The following LRP1B variants were observed in gnomAD, a reference collection of about 807,000 sequenced individuals.
The protein encoded by LRP1B is LDL receptor related protein 1B, also known as low-density lipoprotein receptor-related protein 1B.
Under a neutral mutation model 556.6 loss-of-function variants are expected in LRP1B, and 217 were observed. The observed-to-expected ratio is 0.39, with a 90% CI of 0.35 to 0.44. The LOEUF (loss-of-function observed/expected upper bound fraction) is 0.44, where lower values mean the gene tolerates loss of function less well. Ranked by LOEUF, LRP1B falls within the 20% of genes least tolerant of loss-of-function variation. LRP1B has a pLI of 1.00. For synonymous variants in LRP1B, 2,047 were observed against 1,865.8 expected (o/e 1.10, Z -2.50); for missense variants, 5,053 against 5,620.8 (o/e 0.90, Z 3.23).
chr2:140,476,508 T>C (rs1024377891), intron 59 of LRP1B, among the ~76,000 whole-genome samples: 1 of 152,036 alleles, frequency 6.6e-6, no homozygotes, highest in African/African-American at 2.4e-5. Context: ...TATGTTCAGA[T>C]ATTTTAACCA....
intron 3 of LRP1B, among the ~76,000 whole-genome samples, chr2:141,358,802 A>C (rs1168549955): frequency 6.6e-6 from 1 of 152,200 alleles, no homozygotes; most frequent in African/African-American, 2.4e-5. Context: ...AGGCCAAAAT[A>C]ATACGACATA....
rs6718349 is a variant in LRP1B, at chr2:142,033,792, G to C, written c.82+96856C>G. On this transcript the variant is annotated intron_variant, in intron 1 of 90. Coordinates refer to ENST00000389484, the MANE Select transcript of LRP1B (RefSeq NM_018557.3). Reference sequence around the variant, plus strand: ...AAAGATATGGTACTGAATTAAGGTAGGTACTCCACCTTAGGACATTGTGTT... The same window carrying C: ...AAAGATATGGTACTGAATTAAGGTACGTACTCCACCTTAGGACATTGTGTT... 6.0e-3 allele frequency among the ~76,000 whole-genome samples: 908 copies of C among 151,776 alleles called. 13 individuals carry two copies. Among genetic ancestry groups the C allele is most frequent in the African/African-American group, 0.02 (826 of 41,466 alleles).
At chr2:141,814,457 A>T (rs1696464521) in intron 1 of LRP1B, among the ~76,000 whole-genome samples, 1 of 152,138 alleles carries the variant, frequency 6.6e-6, no homozygotes, top group African/African-American at 2.4e-5. Context: ...TACTGCAGTG[A>T]AGTGAAGGTG....
At chr2:141,877,627 A>G (rs1698814560) in intron 1 of LRP1B, among the ~76,000 whole-genome samples, 2 of 151,918 alleles carry the variant, frequency 1.3e-5, no homozygotes, top group South Asian at 4.1e-4. Context: ...TACTTTCGCA[A>G]ATTTAATTTC....
chr2:140,790,134 C>A (rs1690061069), intron 32 of LRP1B, among the ~76,000 whole-genome samples: 1 of 152,092 alleles, frequency 6.6e-6, no homozygotes, highest in Admixed American at 6.5e-5. Context: ...TCTTCCTCAA[C>A]CAAATGCAAC....
intron 7 of LRP1B, among the ~76,000 whole-genome samples, chr2:141,139,094 A>G (rs951668381): frequency 2.6e-5 from 4 of 151,938 alleles, no homozygotes; most frequent in Non-Finnish European, 4.4e-5. Context: ...ACTATAGTAG[A>G]GAAACAATAG....
chr2:141,212,374 G>A (rs922248348), intron 6 of LRP1B, among the ~76,000 whole-genome samples: 14 of 140,084 alleles, frequency 1.0e-4, no homozygotes, highest in Admixed American at 6.2e-4. Context: ...CGCCTCCTGG[G>A]TTCACGCCAT....
At chr2:140,595,555 C>A (rs1682408074) in intron 43 of LRP1B, among the ~76,000 whole-genome samples, 1 of 151,918 alleles carries the variant, frequency 6.6e-6, no homozygotes, top group African/African-American at 2.4e-5. Flanking sequence ...GATATGGGGA[C>A]AAAGAACGTT....
At chr2:141,971,394 C>T (rs1472945453) in intron 1 of LRP1B, among the ~76,000 whole-genome samples, 1 of 151,440 alleles carries the variant, frequency 6.6e-6, no homozygotes, top group East Asian at 1.9e-4. Context: ...TAAGGACATC[C>T]TTGTCTTCGT....
chr2:141,723,521 A>T (rs535067734), intron 2 of LRP1B, among the ~76,000 whole-genome samples: 90 of 151,978 alleles, frequency 5.9e-4, no homozygotes, highest in African/African-American at 1.9e-3. Context: ...TGTTACAACT[A>T]AAATGAAGTA....
chr2:141,283,700 A>C (rs1232302746), intron 3 of LRP1B, among the ~76,000 whole-genome samples: 1 of 141,300 alleles, frequency 7.1e-6, no homozygotes, highest in African/African-American at 2.7e-5. Flanking sequence ...GGTTCAAGTG[A>C]TTCTCCTGCC....
rs1195162854 is a variant in LRP1B at position 141,172,009 on chromosome 2, G to C, written c.1013+16412C>G. ...TGCAGCACAAAGTGAAAAGAAAAAA[G>C]ATAGGTAATGCAAAACTATTTCATT... On this transcript the variant is annotated intron_variant, in intron 7 of 90. Transcript: ENST00000389484. Among the ~76,000 whole-genome samples the C allele has an allele frequency of 2.0e-5, 3 of 152,068 alleles. No homozygotes were observed. The East Asian group carries it at 5.8e-4, about 29-fold the overall frequency.
At chr2:140,476,030 G>A (rs1227739773) in intron 59 of LRP1B, among the ~76,000 whole-genome samples, 1 of 151,604 alleles carries the variant, frequency 6.6e-6, no homozygotes, top group African/African-American at 2.4e-5. Flanking sequence ...TCCAAAAGTG[G>A]GGAAAAAACA....
intron 2 of LRP1B, among the ~76,000 whole-genome samples, chr2:141,682,088 G>A (rs1244694515): frequency 6.6e-6 from 1 of 151,992 alleles, no homozygotes; most frequent in Non-Finnish European, 1.5e-5. Flanking sequence ...GAAAAGTAAG[G>A]GGGGAACATA....
chr2:140,904,743 C>G (rs992128932), intron 22 of LRP1B, among the ~76,000 whole-genome samples: 1 of 152,108 alleles, frequency 6.6e-6, no homozygotes, highest in Non-Finnish European at 1.5e-5. Flanking sequence ...TCATAAGCAT[C>G]TTAAAACAGC....
At chr2:140,468,956 G>A (rs527684555) in intron 60 of LRP1B, among the ~76,000 whole-genome samples, 2 of 152,226 alleles carry the variant, frequency 1.3e-5, no homozygotes, top group South Asian at 2.1e-4. Flanking sequence ...GCAGGAGAAC[G>A]ATAAATCATA....
chr2:142,104,091 A>T (rs1197567156), intron 1 of LRP1B, among the ~76,000 whole-genome samples: 2 of 152,140 alleles, frequency 1.3e-5, no homozygotes, highest in African/African-American at 4.8e-5. Flanking sequence ...TTTTTCTTCC[A>T]AGAGGATATT....
intron 7 of LRP1B, among the ~76,000 whole-genome samples, chr2:141,182,259 T>C (rs1273844370): frequency 1.3e-5 from 2 of 152,012 alleles, no homozygotes; most frequent in African/African-American, 2.4e-5. Flanking sequence ...AACAAAATGT[T>C]ACATAATACC....
At chr2:141,296,149 TA>T (rs1686176840) in intron 3 of LRP1B, among the ~76,000 whole-genome samples, 1 of 152,196 alleles carries the variant, frequency 6.6e-6, no homozygotes. Flanking sequence ...AATCATGGAA[TA>T]TTTTTTAAGG....
Sources: gnomAD v4.1 joint callset for allele counts (sites outside exome capture counted in the v4.1 genomes callset) on GRCh38, gnomAD v4.1.1 for gene constraint, MANE v1.5 for transcripts, NCBI Gene and HGNC (gene_info 2026-07-23, HGNC 2026-07-21) for gene names.